CUL2: variants seen among roughly 807,000 people sequenced by gnomAD.
The protein encoded by CUL2 is cullin 2.
In CUL2, 22 loss-of-function variants were observed where a neutral mutation model predicts 110.2. The ratio of observed to expected loss-of-function variants is 0.20; its 90% confidence interval spans 0.14 to 0.28. The LOEUF is 0.28. CUL2 is among the 10% of genes least tolerant of loss of function. The pLI is 1.00. For missense variants in CUL2, 631 were observed against 905.5 expected (o/e 0.70, Z 3.89); for synonymous variants, 279 against 293.2 (o/e 0.95, Z 0.49).
At chr10:35,096,888 C>T (rs1018582017) in intron 2 of CUL2, among the ~76,000 whole-genome samples, 11 of 151,010 alleles carry the variant, frequency 7.3e-5, no homozygotes, top group Non-Finnish European at 1.3e-4. Context: ...CAGCTCACTG[C>T]AACCTCTGCC....
At chr10:35,040,791 G>C (rs2085765294) in intron 8 of CUL2, among the ~76,000 whole-genome samples, 1 of 152,168 alleles carries the variant, frequency 6.6e-6, no homozygotes, top group African/African-American at 2.4e-5. Context: ...CAGATCCTCA[G>C]GCATTAGATT....
At chr10:35,100,745 G>A in intron 2 of CUL2, 1 of 108,966 alleles carries the variant, frequency 9.2e-6, no homozygotes, top group Non-Finnish European at 1.7e-5. Flanking sequence ...CTGGGAGACA[G>A]AGTCCATCTC....
At chr10:35,125,377 G>C (rs966953549) in intron 1 of CUL2, among the ~76,000 whole-genome samples, 1 of 152,158 alleles carries the variant, frequency 6.6e-6, no homozygotes, top group Non-Finnish European at 1.5e-5. Flanking sequence ...GGAAACCGTA[G>C]AGCAAATACT....
At chr10:35,043,285 T>C (rs909946423) in intron 8 of CUL2, among the ~76,000 whole-genome samples, 1 of 151,692 alleles carries the variant, frequency 6.6e-6, no homozygotes, top group South Asian at 2.1e-4. Context: ...TTCTTGGGGC[T>C]GGATCTAGAG....
intron 1 of CUL2, among the ~76,000 whole-genome samples, chr10:35,121,000 C>T (rs2087671552): frequency 6.6e-6 from 1 of 152,062 alleles, no homozygotes; most frequent in African/African-American, 2.4e-5. Context: ...CTGGCTAATC[C>T]TTCATATCCC....
intron 17 of CUL2, among the ~76,000 whole-genome samples, chr10:35,019,708 TCA>T (rs1438713871): frequency 6.6e-6 from 1 of 152,216 alleles, no homozygotes; most frequent in African/African-American, 2.4e-5. Flanking sequence ...GGCAGAACTC[TCA>T]CAATAGTTTC....
intron 2 of CUL2, among the ~76,000 whole-genome samples, chr10:35,096,605 C>T (rs2087303763): frequency 6.6e-6 from 1 of 151,860 alleles, no homozygotes; most frequent in African/African-American, 2.4e-5. Flanking sequence ...AGAGCCAGAC[C>T]CTATCTTTAA....
intron 3 of CUL2, among the ~76,000 whole-genome samples, chr10:35,061,961 G>C (rs1269237894): frequency 2.0e-5 from 3 of 152,054 alleles, no homozygotes; most frequent in African/African-American, 4.8e-5. Flanking sequence ...GGGTTAGACA[G>C]TTTAAATAAA....
At chr10:35,060,077 T>C (rs1039483338) in intron 4 of CUL2, among the ~76,000 whole-genome samples, 2 of 152,012 alleles carry the variant, frequency 1.3e-5, no homozygotes, top group Non-Finnish European at 2.9e-5. Context: ...CTGGGCAACA[T>C]AGTGAGACAG....
chr10:35,126,101 C>A (rs11592989), intron 1 of CUL2, among the ~76,000 whole-genome samples: 17,128 of 151,766 alleles, frequency 0.11, 1,277 homozygotes, highest in Middle Eastern at 0.18. Flanking sequence ...GGATTACAGG[C>A]GTGAGCCCCC....
At chr10:35,027,007 T>A (rs1404292073) in intron 16 of CUL2, among the ~76,000 whole-genome samples, 4 of 152,056 alleles carry the variant, frequency 2.6e-5, no homozygotes, top group Non-Finnish European at 4.4e-5. Context: ...AAACTTATTT[T>A]AAAATAAACA....
upstream of CUL2, among the ~76,000 whole-genome samples, chr10:35,095,055 C>A (rs1415845021): frequency 6.6e-6 from 1 of 152,116 alleles, no homozygotes; most frequent in African/African-American, 2.4e-5. Context: ...ATGGCTCACA[C>A]TTGTAATCCC....
intron 4 of CUL2, among the ~76,000 whole-genome samples, chr10:35,058,618 G>T (rs1474808387): frequency 6.6e-6 from 1 of 152,162 alleles, no homozygotes; most frequent in Non-Finnish European, 1.5e-5. Context: ...CCTTCCCTGA[G>T]ATGTCTGCAC....
Position 35,009,991 on chromosome 10 carries a change from TAAA to T in CUL2, c.*317_*319del, listed in dbSNP as rs147061473. ...AAATTTTATGTCCTTTAAGATACAT[TAAA>T]AAAAAAAAAAAAGACACATCAACTG... On this transcript the variant is annotated 3_prime_UTR_variant, in exon 21 of 21. Transcript: ENST00000374749. 5.1e-5 allele frequency: 7 copies of T among 138,468 alleles called. No individual in the cohort carries two copies. Among genetic ancestry groups the T allele is most frequent in the Middle Eastern group, 3.3e-3 (1 of 306 alleles). 8.6% of individuals were successfully genotyped at this position (138,468 alleles called of 1,614,324 possible). A position where few individuals can be genotyped will look rare whatever the true frequency, so the allele number is the denominator to read the frequency against.
intron 5 of CUL2, among the ~76,000 whole-genome samples, chr10:35,052,139 A>T (rs1564724659): frequency 6.6e-6 from 1 of 152,166 alleles, no homozygotes; most frequent in Non-Finnish European, 1.5e-5. Flanking sequence ...CCCTAACTAC[A>T]TCCAGATAGG....
intron 1 of CUL2, among the ~76,000 whole-genome samples, chr10:35,102,698 G>A (rs1019108150): frequency 6.6e-6 from 1 of 152,044 alleles, no homozygotes; most frequent in Admixed American, 6.6e-5. Flanking sequence ...GCCTGGCCAA[G>A]GTGGTGAAAC....
chr10:35,042,195 T>A (rs2085810042), intron 8 of CUL2, among the ~76,000 whole-genome samples: 1 of 151,526 alleles, frequency 6.6e-6, no homozygotes, highest in South Asian at 2.1e-4. Context: ...TAACCTCTAA[T>A]CTATCTTCTG....
chr10:35,125,768 T>C (rs2087769404), intron 1 of CUL2, among the ~76,000 whole-genome samples: 3 of 152,370 alleles, frequency 2.0e-5, no homozygotes, highest in Middle Eastern at 6.8e-3. Flanking sequence ...TAAGAACCTA[T>C]CGTTAAGTGA....
chr10:35,020,548 G>C (rs758790479), intron 17 of CUL2, among the ~76,000 whole-genome samples: 2 of 152,182 alleles, frequency 1.3e-5, no homozygotes, highest in Non-Finnish European at 2.9e-5. Context: ...ATGATGTAGG[G>C]TTCACAAAAT....
Sources: gnomAD v4.1 joint callset for allele counts (sites outside exome capture counted in the v4.1 genomes callset) on GRCh38, gnomAD v4.1.1 for gene constraint, MANE v1.5 for transcripts, NCBI Gene and HGNC (gene_info 2026-07-23, HGNC 2026-07-21) for gene names.